Variants in MPDZ observed in about 807,000 individuals in gnomAD.
MPDZ encodes multiple PDZ domain crumbs cell polarity complex component.
A neutral mutation model predicts 239.1 loss-of-function variants in MPDZ; 234 were observed. The ratio of observed to expected loss-of-function variants is 0.98; its 90% CI spans 0.88 to 1.09. The LOEUF (loss-of-function observed/expected upper bound fraction) is 1.09. MPDZ is among the 50% of genes least tolerant of loss of function. MPDZ has a pLI of 0.00. For missense variants in MPDZ, 3,175 were observed against 2,510.0 expected, an observed-to-expected ratio of 1.26 and a Z score of -5.66; for synonymous variants, 1,048 against 881.3, an observed-to-expected ratio of 1.19 and a Z score of -3.35.
chr9:13,263,394 C>CA (rs1218234444), intron 1 of MPDZ, among the ~76,000 whole-genome samples: 2,816 of 78,962 alleles, frequency 0.036, 45 homozygotes, highest in African/African-American at 0.082. Flanking sequence ...CCTTGTTTGG[C>CA]AAAAAAAAAA....
chr9:13,217,050 T>C (rs1462817426), intron 9 of MPDZ, 130 bp downstream of exon 9: 2 of 807,766 alleles, frequency 2.5e-6, no homozygotes, highest in Non-Finnish European at 3.9e-6. Flanking sequence ...TACACTAAAT[T>C]ATTCCTAAGG....
chr9:13,118,147 C>G (rs1020098182), intron 39 of MPDZ, among the ~76,000 whole-genome samples: 1 of 152,128 alleles, frequency 6.6e-6, no homozygotes. Context: ...CCTGGTGAGA[C>G]TAGATTTTTA....
At position 13,176,160 on chromosome 9, in the gene MPDZ, A is replaced by C; in HGVS notation, c.2907T>G (p.Ser969=). ...CCTTTCCAGCTGAATCGGGTAGCAC[A>C]GAAGGAAGTTCTGCACTTGATATAA... The part of the protein sequence containing the change: ...SEVISSAELP[S]VLPDSAGKGS... Residue 969 remains serine (S), a synonymous_variant, in exon 20 of 47, where the codon TCT becomes TCG. Transcript: ENST00000319217. 6.2e-7 allele frequency: 1 copy of C among 1,601,468 alleles called. No individual in the cohort carries two copies. The highest frequency in any genetic ancestry group is 1.7e-5 in the Admixed American group (1 of 58,478).
In MPDZ at chr9:13,222,288, G is replaced by C; in HGVS notation, c.692C>G (p.Pro231Arg). The C allele has an allele frequency of 6.2e-7, 1 of 1,612,878 alleles. No individual in the cohort carries two copies. Among genetic ancestry groups the C allele is most frequent in the Non-Finnish European group, 8.5e-7 (1 of 1,179,270 alleles). Residue 231 changes from proline (P) to arginine (R), a missense_variant, in exon 6 of 47, where the codon CCC becomes CGC. By Grantham distance (103) the Pro-to-Arg change is moderately radical. Coordinates refer to ENST00000319217, the MANE Select transcript of MPDZ (RefSeq NM_001378778.1). ...TGCAGATGGAGAACGGGAAACTATGGGGCTGACAAGCTGAGGCAATGAGCC... is the reference window on the plus strand; with the variant it reads ...TGCAGATGGAGAACGGGAAACTATGCGGCTGACAAGCTGAGGCAATGAGCC... Reference protein sequence around the residue: ...ARGSLPQLVSPIVSRSPSAAS... With the variant: ...ARGSLPQLVSRIVSRSPSAAS...
In MPDZ at chr9:13,212,814, A is replaced by G. The variant is rs1005242310; in HGVS notation, c.1290+3960T>C. 2.7e-4 allele frequency among the ~76,000 whole-genome samples: 41 copies of G among 150,060 alleles called. 1 individual carries two copies. Among genetic ancestry groups the G allele is most frequent in the African/African-American group, 9.5e-4 (39 of 40,920 alleles). On this transcript the variant is annotated intron_variant, in intron 10 of 46. Coordinates refer to ENST00000319217, the MANE Select transcript of MPDZ (RefSeq NM_001378778.1). ...TTTAAAAAAAAAAAAAAAAAAAAAA[A>G]GAAGAGAGCCAACATCCTCGTAGTG...
Position 13,125,342 on chromosome 9 carries a change from G to A in MPDZ, c.4681C>T (p.His1561Tyr), listed in dbSNP as rs1237037927. 1 of 1,613,792 alleles carries A rather than the reference G, an allele frequency of 6.2e-7. No homozygotes were observed. The highest frequency in any genetic ancestry group is 8.5e-7 in the Non-Finnish European group (1 of 1,179,720). The stretch of plus-strand genomic sequence containing the variant: ...GCCTGGGAATCTGGATTCTCAGCAT[G>A]GATGGTAAGTTTTACTGTCATCTTT... ...TAKMTVKLTIHAENPDSQAVP... is the reference protein window; with the variant it reads ...TAKMTVKLTIYAENPDSQAVP... Residue 1561 changes from histidine (H) to tyrosine (Y), a missense_variant, in exon 35 of 47, where the codon CAT (histidine) becomes TAT (tyrosine). By Grantham distance (83) the His-to-Tyr change is moderately conservative. Transcript: ENST00000319217.
chr9:13,179,525 T>A (rs2134324235), intron 19 of MPDZ, among the ~76,000 whole-genome samples: 1 of 152,232 alleles, frequency 6.6e-6, no homozygotes, highest in Non-Finnish European at 1.5e-5. Flanking sequence ...TACGCCCACT[T>A]CAGAAACGTT....
rs1954106290 is a variant in MPDZ at position 13,186,366 on chromosome 9, A to G, written c.2385T>C (p.Tyr795=). 1 of 1,581,880 alleles carries G rather than the reference A, an allele frequency of 6.3e-7. No homozygotes were observed. Among genetic ancestry groups the G allele is most frequent in the Admixed American group, 1.8e-5 (1 of 55,744 alleles). Reference sequence around the variant, plus strand: ...GAAAGGAATCCTCCTTAGCAGAAACATAACCTTCTTCTGGTGAAAGCTGCA... The same window carrying G: ...GAAAGGAATCCTCCTTAGCAGAAACGTAACCTTCTTCTGGTGAAAGCTGCA... The part of the protein sequence containing the change: ...KPLPLSPEEG[Y]VSAKEDSFLY... Residue 795 remains tyrosine, a synonymous_variant, in exon 18 of 47, where the codon TAT becomes TAC. Transcript: ENST00000319217.
intron 12 of MPDZ, 88 bp from the exon 13 acceptor site, chr9:13,196,318 C>T (rs1955639150): frequency 4.8e-6 from 4 of 839,648 alleles, no homozygotes; most frequent in Middle Eastern, 4.5e-4. Context: ...CTGATCAGAA[C>T]CCGCTGTATC....
intron 12 of MPDZ, among the ~76,000 whole-genome samples, chr9:13,200,174 C>T (rs910624398): frequency 2.6e-5 from 4 of 151,804 alleles, no homozygotes; most frequent in East Asian, 1.9e-4. Flanking sequence ...CTTATAATCT[C>T]GGTAGACTGT....
intron 24 of MPDZ, among the ~76,000 whole-genome samples, chr9:13,154,139 C>T (rs1033280402): frequency 2.6e-5 from 4 of 151,934 alleles, no homozygotes; most frequent in African/African-American, 9.7e-5. Flanking sequence ...AGCAAAATAC[C>T]CTCCCTGGAA....
chr9:13,274,163 A>C (rs1677809783), intron 1 of MPDZ, among the ~76,000 whole-genome samples: 1 of 152,136 alleles, frequency 6.6e-6, no homozygotes, highest in African/African-American at 2.4e-5. Context: ...ATACCTTTTA[A>C]AATGTGCTAT....
At chr9:13,276,288 T>C (rs942478254) in intron 1 of MPDZ, among the ~76,000 whole-genome samples, 2 of 152,188 alleles carry the variant, frequency 1.3e-5, no homozygotes, top group African/African-American at 2.4e-5. Context: ...TATCGAGAAG[T>C]AGTTATTTAC....
intron 27 of MPDZ, among the ~76,000 whole-genome samples, chr9:13,140,475 A>AT (rs1188168703): frequency 1.3e-5 from 2 of 148,184 alleles, no homozygotes; most frequent in Non-Finnish European, 3.0e-5. Flanking sequence ...TTGACATGAT[A>AT]TTCTTATTTC....
intron 1 of MPDZ, among the ~76,000 whole-genome samples, chr9:13,254,752 A>G (rs1366227608): frequency 2.0e-5 from 3 of 152,174 alleles, no homozygotes; most frequent in Non-Finnish European, 4.4e-5. Flanking sequence ...TATGTCTAGG[A>G]AAACAATCTA....
intron 31 of MPDZ, chr9:13,134,778 C>G (rs540545055): frequency 2.0e-5 from 3 of 152,258 alleles, no homozygotes; most frequent in Non-Finnish European, 2.9e-5. Context: ...TTACCACACC[C>G]AAGGGACTCT....
At position 13,137,998 on chromosome 9, in the gene MPDZ, C is replaced by T. The variant is rs1361707038; in HGVS notation, c.4159G>A (p.Gly1387Arg). Residue 1387 changes from glycine (G) to arginine (R), a missense_variant, in exon 29 of 47, where the codon GGA becomes AGA. Coordinates refer to ENST00000319217, the MANE Select transcript of MPDZ (RefSeq NM_001378778.1). Reference sequence around the variant, plus strand: ...GCAATTTGCAATCGACCATCTTTTCCTGCAGCTCCATTTGGATCAATCCCC... The same window carrying T: ...GCAATTTGCAATCGACCATCTTTTCTTGCAGCTCCATTTGGATCAATCCCC... ...IVGIDPNGAA[G>R]KDGRLQIADE... 26 of 1,613,680 alleles carry T rather than the reference C, an allele frequency of 1.6e-5. No homozygotes were observed. The highest frequency in any genetic ancestry group is 2.2e-5 in the Non-Finnish European group (26 of 1,179,794).
At position 13,126,504 on chromosome 9, in the gene MPDZ, T is replaced by C. The variant is rs1301332506; in HGVS notation, c.4632+12A>G. The C allele has an allele frequency of 3.2e-6, 5 of 1,544,726 alleles. No homozygotes were observed. The East Asian group carries it at 1.2e-4, about 37-fold the overall frequency. ...GGCCTACATTACCATTTACTTTATT[T>C]TGGAAAATTACCTTTTCAATAGGGT... On this transcript the variant is annotated intron_variant, in intron 34 of 46. Transcript: ENST00000319217.
intron 32 of MPDZ, among the ~76,000 whole-genome samples, 195 bp from the exon 33 acceptor site, chr9:13,126,967 T>G (rs905948798): frequency 6.6e-5 from 10 of 152,204 alleles, no homozygotes; most frequent in African/African-American, 2.4e-4. Context: ...GGGAATAAAT[T>G]TTCCTCCATC....
Sources: allele counts gnomAD v4.1 joint callset (sites outside exome capture counted in the v4.1 genomes callset), GRCh38; gene constraint gnomAD v4.1.1; transcripts MANE v1.5; gene names NCBI Gene and HGNC (gene_info 2026-07-23, HGNC 2026-07-21).